The following TNS1 variants were observed in gnomAD, a reference collection of about 807,000 sequenced individuals.
TNS1 encodes the protein tensin-1.
A neutral mutation model predicts 168.6 loss-of-function variants in TNS1; 62 were observed. The observed-to-expected ratio is 0.37, with a 90% CI of 0.30 to 0.45. TNS1 has a LOEUF of 0.45. TNS1 is among the 20% of genes least tolerant of loss of function. TNS1 has a pLI of 1.00. For synonymous variants in TNS1, 934 were observed against 933.2 expected, an observed-to-expected ratio of 1.00 and a Z score of -0.02; for missense variants, 2,240 against 2,339.4, an observed-to-expected ratio of 0.96 and a Z score of 0.88.
Position 217,837,856 on chromosome 2 carries a change from C to T in TNS1, c.3008-1645G>A, listed in dbSNP as rs565795874. On this transcript the variant is annotated intron_variant, in intron 19 of 32. Transcript: ENST00000682258. ...AGCATCTACCTGAAGGAAAGAAGGG[C>T]GTGGTTTTGGGAAGGGTGGGCAGCT... Among the ~76,000 whole-genome samples the T allele has an allele frequency of 4.6e-5, 7 of 152,352 alleles. No homozygotes were observed. The South Asian group carries it at 1.0e-3, about 23-fold the overall frequency.
intron 21 of TNS1, among the ~76,000 whole-genome samples, chr2:217,831,750 G>A (rs1394427584): frequency 6.6e-6 from 1 of 152,176 alleles, no homozygotes; most frequent in Admixed American, 6.5e-5. Flanking sequence ...AGGATAAAGG[G>A]AAAGACTCAG....
intron 4 of TNS1, among the ~76,000 whole-genome samples, chr2:217,909,228 G>A (rs532666620): frequency 1.3e-4 from 20 of 152,104 alleles, no homozygotes; most frequent in East Asian, 3.9e-4. Flanking sequence ...CAGCTGCCTC[G>A]TCTCAGAGCT....
At chr2:217,806,553 C>T (rs1409494322) in intron 32 of TNS1, among the ~76,000 whole-genome samples, 1 of 152,216 alleles carries the variant, frequency 6.6e-6, no homozygotes, top group African/African-American at 2.4e-5. Flanking sequence ...TCGCAGGGCC[C>T]TGTGGTGAGT....
At position 217,810,285 on chromosome 2, in the gene TNS1, AG is replaced by A; in HGVS notation, c.5066del (p.Pro1689LeufsTer9). ...TCAGCAGGTCTGCAGTTGAGTTGGC[AG>A]GGCCGGAGCTATCTTTCGATTCATC... Reference protein sequence around the residue: ...PTDESKDSSGPANSTADLLKQ... With the variant: ...PTDESKDSSGXANSTADLLKQ... On this transcript the variant is annotated frameshift_variant, in exon 29 of 33. Transcript: ENST00000682258. LOFTEE classifies it high-confidence loss of function. 1 of 1,614,170 alleles carries A rather than the reference AG, an allele frequency of 6.2e-7. No individual in the cohort carries two copies. Among genetic ancestry groups the A allele is most frequent in the Non-Finnish European group, 8.5e-7 (1 of 1,180,020 alleles).
chr2:217,847,706 C>G lies in TNS1; in HGVS notation c.2811G>C (p.Lys937Asn). The change falls in exon 19 of 33, where the codon AAG becomes AAC. Residue 937 changes from lysine (K) to asparagine (N), a missense_variant. Coordinates refer to ENST00000682258, the MANE Select transcript of TNS1 (RefSeq NM_001387777.1). ...CAGGCAAGGAGGAAGAGGCTGGGCT[C>G]TTTGAATGGAAATCCTGGTTAGGCC... is the stretch of plus-strand genomic sequence containing the variant. ...LAGPNQDFHS[K>N]SPASSSLPAF... is the part of the protein sequence containing the mutation. 6.2e-7 allele frequency: 1 copy of G among 1,605,574 alleles called. No homozygotes were observed. The highest frequency in any genetic ancestry group is 8.5e-7 in the Non-Finnish European group (1 of 1,173,124).
rs370385101 is a variant in TNS1 at position 217,885,776 on chromosome 2, C to T, written c.1084G>A (p.Glu362Lys). The change falls in exon 15 of 33, where the codon GAG (glutamate) becomes AAG (lysine). Residue 362 changes from glutamate (E) to lysine (K), a missense_variant. This residue lies in a region of TNS1 where 2,131 missense variants were observed against 2,171.2 expected (regional missense o/e 0.98). Coordinates refer to ENST00000682258, the MANE Select transcript of TNS1 (RefSeq NM_001387777.1). ...DSQTSVCITI[E>K]PGLLLKGDIL... is the part of the protein sequence containing the mutation. ...TCTCCCTTCAAGAGCAGTCCTGGCT[C>T]GATGGTGATGCAGACGCTAGTCTGG... 6.2e-6 allele frequency: 10 copies of T among 1,613,982 alleles called. No homozygotes were observed. The highest frequency in any genetic ancestry group is 4.5e-5 in the East Asian group (2 of 44,892).
chr2:217,810,447 G>C, intron 28 of TNS1, 128 bp from the exon 29 acceptor site: 1 of 837,806 alleles, frequency 1.2e-6, no homozygotes, highest in South Asian at 1.6e-5. Context: ...GACCCTGGCA[G>C]TCAGCCCTGA....
chr2:217,802,968 C>G lies in TNS1; in HGVS notation c.*1491G>C, dbSNP rs1450559079. The G allele has an allele frequency of 6.6e-6, 1 of 152,636 alleles. No individual in the cohort carries two copies. The highest frequency in any genetic ancestry group is 1.5e-5 in the Non-Finnish European group (1 of 68,038). The allele number at this position is 152,636 out of a possible 1,614,324, so 9.5% of individuals were successfully genotyped here. On this transcript the variant is annotated 3_prime_UTR_variant, in exon 33 of 33. Transcript: ENST00000682258. ...TCCTTAAATGGTGGTCAGGTGTTTT[C>G]CCAACTGTCCAGTGGACCTTAGGCC...
At chr2:217,849,188 T>C in intron 18 of TNS1, 101 bp from the exon 19 acceptor site, 1 of 1,416,462 alleles carries the variant, frequency 7.1e-7, no homozygotes, top group East Asian at 2.3e-5. Context: ...AGAGCTCCCA[T>C]GCCCTGCATC....
At chr2:217,953,109 G>A (rs1957280922) in intron 3 of TNS1, among the ~76,000 whole-genome samples, 1 of 152,214 alleles carries the variant, frequency 6.6e-6, no homozygotes. Flanking sequence ...CCTCACGTCT[G>A]TTCCTAATGT....
intron 22 of TNS1, among the ~76,000 whole-genome samples, chr2:217,830,860 C>T (rs545362014): frequency 2.6e-4 from 40 of 152,192 alleles, no homozygotes; most frequent in African/African-American, 8.4e-4. Context: ...ATCGAGGAAA[C>T]GGCAGGCAAT....
chr2:218,027,992 G>T (rs978399830), intron 1 of TNS1, among the ~76,000 whole-genome samples: 5 of 152,180 alleles, frequency 3.3e-5, no homozygotes, highest in African/African-American at 1.2e-4. Flanking sequence ...GGATTTGGTG[G>T]CAACGCTCAG....
At position 217,948,700 on chromosome 2, in the gene TNS1, C is replaced by T. The variant is rs1957173790; in HGVS notation, c.187-28464G>A. Among the ~76,000 whole-genome samples the T allele has an allele frequency of 6.6e-6, 1 of 152,188 alleles. No homozygotes were observed. The highest frequency in any genetic ancestry group is 2.1e-4 in the South Asian group (1 of 4,834). ...TGCCCTGAAGCCCCCCATCCTTGCC[C>T]TTCCTTCCTAATGTCAGGTCTTCTT... On this transcript the variant is annotated intron_variant, in intron 3 of 32. Transcript: ENST00000682258. This position sits in a 1 kb window ranked among gnomAD's most constrained non-coding sequence, Gnocchi z 4.1.
At chr2:217,805,884 C>CCA (rs57846949) in intron 32 of TNS1, among the ~76,000 whole-genome samples, 28,547 of 147,128 alleles carry the variant, frequency 0.19, 2,834 homozygotes, top group East Asian at 0.4. Flanking sequence ...TATACACACA[C>CCA]CACACACACA....
chr2:217,953,256 G>T (rs562815377), intron 3 of TNS1, among the ~76,000 whole-genome samples: 9 of 152,332 alleles, frequency 5.9e-5, no homozygotes, highest in African/African-American at 2.2e-4. Flanking sequence ...TGGGGCGGAA[G>T]GGGTGGGAGA....
intron 9 of TNS1, among the ~76,000 whole-genome samples, chr2:217,894,363 AAGC>A (rs1260452171): frequency 6.6e-6 from 1 of 152,194 alleles, no homozygotes; most frequent in Non-Finnish European, 1.5e-5. Flanking sequence ...ACAGAATAAA[AAGC>A]AGCAACAGGT....
chr2:217,954,817 G>A (rs1477893355), intron 3 of TNS1, among the ~76,000 whole-genome samples: 1 of 152,152 alleles, frequency 6.6e-6, no homozygotes, highest in Non-Finnish European at 1.5e-5. Context: ...GCCCCCTGTG[G>A]GCTTCCTGCA....
upstream of TNS1, chr2:218,003,076 CCT>C: frequency 2.6e-6 from 1 of 390,768 alleles, no homozygotes; most frequent in South Asian, 1.8e-5. Flanking sequence ...GTCCCAGCCT[CCT>C]CTCTCCTCCC....
intron 3 of TNS1, among the ~76,000 whole-genome samples, chr2:217,940,138 G>A (rs796183883): frequency 1.9e-4 from 29 of 152,304 alleles, no homozygotes; most frequent in African/African-American, 6.5e-4. Context: ...GCCCTAGAAA[G>A]CTAAGAGCCA....
Sources: allele counts gnomAD v4.1 joint callset (sites outside exome capture counted in the v4.1 genomes callset), GRCh38; gene constraint gnomAD v4.1.1; regional missense constraint gnomAD v4.1.1; non-coding constraint Gnocchi (gnomAD v3.1); transcripts MANE v1.5; gene names NCBI Gene and HGNC (gene_info 2026-07-23, HGNC 2026-07-21).